VPS8: variants seen among roughly 807,000 people sequenced by gnomAD.
The protein encoded by VPS8 is VPS8 subunit of CORVET complex, also known as vacuolar protein sorting-associated protein 8 homolog.
A neutral mutation model predicts 216.4 loss-of-function variants in VPS8; 129 were observed. The ratio of observed to expected loss-of-function variants is 0.60; its 90% CI spans 0.52 to 0.69. The LOEUF (loss-of-function observed/expected upper bound fraction) is 0.69. Ranked by LOEUF, VPS8 falls within the 30% of genes least tolerant of loss-of-function variation. VPS8 has a pLI of 0.00. For synonymous variants in VPS8, 571 were observed against 565.4 expected, an observed-to-expected ratio of 1.01 and a Z score of -0.14; for missense variants, 1,531 against 1,683.5, an observed-to-expected ratio of 0.91 and a Z score of 1.59.
chr3:185,052,258 T>A lies in VPS8; in HGVS notation c.*233T>A. 2.3e-6 allele frequency: 1 copy of A among 441,886 alleles called. No individual in the cohort carries two copies. The highest frequency in any genetic ancestry group is 4.0e-6 in the Non-Finnish European group (1 of 253,156). 27.4% of individuals were successfully genotyped at this position (441,886 alleles called of 1,614,324 possible). A position where few individuals can be genotyped will look rare whatever the true frequency, so the allele number is the denominator to read the frequency against. On this transcript the variant is annotated 3_prime_UTR_variant, in exon 48 of 48. Coordinates refer to ENST00000625842, the MANE Select transcript of VPS8 (RefSeq NM_001009921.3). The stretch of plus-strand genomic sequence containing the variant: ...CCAGACTCATTGATTTTGTTTTGCT[T>A]GTTAAGCAAAGGAATGTCACATACC...
chr3:184,925,376 G>C (rs776041918), intron 30 of VPS8, among the ~76,000 whole-genome samples: 2 of 152,164 alleles, frequency 1.3e-5, no homozygotes, highest in Non-Finnish European at 2.9e-5. Context: ...CGCTTAAATA[G>C]CTATTTTTCC....
At chr3:184,815,630 G>A (rs890613513) in intron 1 of VPS8, among the ~76,000 whole-genome samples, 4 of 152,112 alleles carry the variant, frequency 2.6e-5, no homozygotes, top group East Asian at 1.9e-4. Flanking sequence ...AGAATGTGAT[G>A]TGCCTACTCT....
At chr3:185,034,516 C>G in intron 46 of VPS8, among the ~76,000 whole-genome samples, 1 of 151,926 alleles carries the variant, frequency 6.6e-6, no homozygotes, top group Non-Finnish European at 1.5e-5. Context: ...GTTTTAACTC[C>G]CTATAGAGTC....
chr3:184,837,978 A>G (rs1417303320), intron 5 of VPS8, among the ~76,000 whole-genome samples: 1 of 152,252 alleles, frequency 6.6e-6, no homozygotes. Context: ...CTTTGCTGCT[A>G]CAGTACTGTA....
chr3:185,032,697 GCT>G (rs1183719125), intron 46 of VPS8, among the ~76,000 whole-genome samples: 1 of 150,906 alleles, frequency 6.6e-6, no homozygotes, highest in Non-Finnish European at 1.5e-5. Context: ...ACAAAGTCTC[GCT>G]CTGTCGCCCA....
chr3:184,849,544 T>C (rs778263013), intron 9 of VPS8: 10 of 256,332 alleles, frequency 3.9e-5, no homozygotes, highest in Non-Finnish European at 5.9e-5. Context: ...GATTTTTGCA[T>C]TTCTTTCTTC....
intron 25 of VPS8, among the ~76,000 whole-genome samples, chr3:184,902,391 G>C (rs1406883579): frequency 1.3e-5 from 2 of 151,666 alleles, no homozygotes; most frequent in Admixed American, 1.3e-4. Context: ...CAGAAGAATT[G>C]CTTGAACCCA....
At position 184,843,789 on chromosome 3, in the gene VPS8, A is replaced by G. The variant is rs535227859; in HGVS notation, c.541+544A>G. Among the ~76,000 whole-genome samples the G allele has an allele frequency of 1.1e-4, 17 of 152,346 alleles. No homozygotes were observed. In the South Asian group the frequency reaches 2.7e-3, roughly 24 times the overall value. ...ATCATCCCATTTAATGTTCATGGAA[A>G]CAACAGCTCTTTCTTTTTCACTCTG... On this transcript the variant is annotated intron_variant, in intron 8 of 47. Transcript: ENST00000625842.
At chr3:184,879,313 A>G (rs1729860344) in intron 21 of VPS8, among the ~76,000 whole-genome samples, 1 of 152,210 alleles carries the variant, frequency 6.6e-6, no homozygotes, top group Non-Finnish European at 1.5e-5. Context: ...TTGGCCCATT[A>G]TAGCCCATAC....
chr3:184,915,054 G>A lies in VPS8; in HGVS notation c.2262+1G>A. On this transcript the variant is annotated splice_donor_variant, in intron 27 of 47. Coordinates refer to ENST00000625842, the MANE Select transcript of VPS8 (RefSeq NM_001009921.3). LOFTEE classifies it high-confidence loss of function. Reference sequence around the variant, plus strand: ...TCTGGTTCCCTTGGTTAAAAACCAGGTTGGTACTATTTTTATAGCCTTTTG... The same window carrying A: ...TCTGGTTCCCTTGGTTAAAAACCAGATTGGTACTATTTTTATAGCCTTTTG... The A allele has an allele frequency of 1.2e-6, 2 of 1,613,804 alleles. No individual in the cohort carries two copies. The highest frequency in any genetic ancestry group is 1.7e-6 in the Non-Finnish European group (2 of 1,179,724).
chr3:184,951,776 T>A (rs1744749377), intron 36 of VPS8, among the ~76,000 whole-genome samples: 1 of 152,216 alleles, frequency 6.6e-6, no homozygotes, highest in Admixed American at 6.5e-5. Context: ...ATAACAAATT[T>A]ATGTGCAAGA....
chr3:184,981,371 G>A (rs572698590), intron 40 of VPS8, among the ~76,000 whole-genome samples: 1 of 151,804 alleles, frequency 6.6e-6, no homozygotes, highest in South Asian at 2.1e-4. Context: ...GGGGTGTGCT[G>A]CACACCAGCA....
At chr3:184,961,576 C>A (rs1278195139) in intron 37 of VPS8, among the ~76,000 whole-genome samples, 1 of 152,068 alleles carries the variant, frequency 6.6e-6, no homozygotes, top group Non-Finnish European at 1.5e-5. Context: ...CCTGAGGTCT[C>A]CACCATCCTA....
intron 15 of VPS8, 73 bp from the exon 16 acceptor site, chr3:184,862,824 A>G (rs1726620176): frequency 1.3e-6 from 2 of 1,487,782 alleles, no homozygotes; most frequent in African/African-American, 2.8e-5. Flanking sequence ...TCGAGCAGCC[A>G]AGCTTTCTTC....
At chr3:184,978,259 A>T (rs1749625483) in intron 40 of VPS8, among the ~76,000 whole-genome samples, 1 of 151,744 alleles carries the variant, frequency 6.6e-6, no homozygotes, top group African/African-American at 2.4e-5. Context: ...GCTATTTTTT[A>T]TATTTCTGGG....
chr3:184,993,640 C>T (rs1377869899), intron 42 of VPS8, among the ~76,000 whole-genome samples: 3 of 152,054 alleles, frequency 2.0e-5, no homozygotes, highest in Non-Finnish European at 4.4e-5. Flanking sequence ...TTCCTGAGTA[C>T]ACTGGTTTTA....
At chr3:184,902,985 AT>A (rs1160218613) in intron 25 of VPS8, among the ~76,000 whole-genome samples, 1 of 152,080 alleles carries the variant, frequency 6.6e-6, no homozygotes, top group East Asian at 1.9e-4. Context: ...AAGTTCAAGG[AT>A]TTTTTTCCAT....
chr3:184,867,401 A>T (rs1392346469), intron 17 of VPS8, among the ~76,000 whole-genome samples: 1 of 152,198 alleles, frequency 6.6e-6, no homozygotes, highest in Non-Finnish European at 1.5e-5. Flanking sequence ...TGTGCTTTTT[A>T]AAAAACATGG....
At chr3:184,830,223 C>T (rs934990555) in intron 3 of VPS8, among the ~76,000 whole-genome samples, 6 of 151,908 alleles carry the variant, frequency 3.9e-5, no homozygotes, top group Non-Finnish European at 7.4e-5. Flanking sequence ...AGAGTATTCT[C>T]ATCTGGTGTC....
Sources: allele counts gnomAD v4.1 joint callset (sites outside exome capture counted in the v4.1 genomes callset), GRCh38; gene constraint gnomAD v4.1.1; transcripts MANE v1.5; gene names NCBI Gene and HGNC (gene_info 2026-07-23, HGNC 2026-07-21).